Variants in HVCN1 observed in about 807,000 individuals in gnomAD.
HVCN1 encodes the protein hydrogen voltage gated channel 1, also known as voltage-gated hydrogen channel 1.
A neutral mutation model predicts 29.2 loss-of-function variants in HVCN1; 14 were observed. The ratio of observed to expected loss-of-function variants is 0.48; its 90% confidence interval spans 0.32 to 0.75. HVCN1 has a LOEUF of 0.75. HVCN1 is among the 30% of genes least tolerant of loss of function. HVCN1 has a pLI of 0.04. For missense variants in HVCN1, 263 were observed against 341.8 expected (o/e 0.77, Z 1.82); for synonymous variants, 131 against 133.2 (o/e 0.98, Z 0.11).
intron 3 of HVCN1, 43 bp downstream of exon 3, chr12:110,683,182 G>T (rs2069049642): frequency 5.6e-6 from 9 of 1,613,460 alleles, no homozygotes; most frequent in Non-Finnish European, 7.6e-6. Context: ...TCCTCTCAAG[G>T]CTGGGATATC....
At chr12:110,652,548 T>C (rs1352931591) in intron 5 of HVCN1, among the ~76,000 whole-genome samples, 1 of 152,204 alleles carries the variant, frequency 6.6e-6, no homozygotes, top group Non-Finnish European at 1.5e-5. Flanking sequence ...AGCAGTCAAC[T>C]TGAAGAGGCT....
At chr12:110,666,318 G>A (rs890763521) in intron 3 of HVCN1, among the ~76,000 whole-genome samples, 4 of 152,092 alleles carry the variant, frequency 2.6e-5, no homozygotes, top group African/African-American at 9.7e-5. Context: ...AGCTACTCAG[G>A]AGGCTGAGGC....
chr12:110,650,241 A>G lies in HVCN1; in HGVS notation c.683T>C (p.Leu228Pro). ...ISVKTRSERQ[L>P]LRLKQMNVQL... Reference sequence around the variant, plus strand: ...TACATTCATCTGTTTTAACCTTAAGAGTTGCCGTTCTGAACGTGTCTTAAC... The same window carrying G: ...TACATTCATCTGTTTTAACCTTAAGGGTTGCCGTTCTGAACGTGTCTTAAC... The change falls in exon 7 of 8, where the codon CTC (leucine) becomes CCC (proline). Residue 228 changes from leucine (L) to proline (P), a missense_variant. This residue lies in a region of HVCN1 where 51 missense variants were observed against 51.1 expected (regional missense o/e 1.00). Coordinates refer to ENST00000242607, the MANE Select transcript of HVCN1 (RefSeq NM_032369.4). The G allele has an allele frequency of 6.2e-7, 1 of 1,613,414 alleles. No individual in the cohort carries two copies. Among genetic ancestry groups the G allele is most frequent in the Non-Finnish European group, 8.5e-7 (1 of 1,179,416 alleles).
intron 4 of HVCN1, among the ~76,000 whole-genome samples, chr12:110,656,586 C>G (rs1037158111): frequency 3.9e-5 from 6 of 152,190 alleles, no homozygotes; most frequent in Non-Finnish European, 8.8e-5. Flanking sequence ...ACCCACCCCC[C>G]CGCCAGGGCC....
intron 3 of HVCN1, among the ~76,000 whole-genome samples, chr12:110,662,707 AAC>A (rs1402592387): frequency 6.6e-6 from 1 of 152,180 alleles, no homozygotes; most frequent in Non-Finnish European, 1.5e-5. Context: ...CTTGTCTCAA[AAC>A]ACAAACAAAC....
chr12:110,672,857 G>A (rs1227448219), intron 3 of HVCN1, among the ~76,000 whole-genome samples: 1 of 152,120 alleles, frequency 6.6e-6, no homozygotes, highest in Non-Finnish European at 1.5e-5. Context: ...TTCGCCTCCT[G>A]CCATAATTCT....
At chr12:110,659,937 G>C (rs1392589392) in intron 4 of HVCN1, among the ~76,000 whole-genome samples, 1 of 151,940 alleles carries the variant, frequency 6.6e-6, no homozygotes. Context: ...GTGGTGGCAG[G>C]CACCTGTAAT....
chr12:110,649,519 G>A (rs892285118), intron 7 of HVCN1, 44 bp from the exon 8 acceptor site: 14 of 1,418,670 alleles, frequency 9.9e-6, no homozygotes, highest in South Asian at 1.2e-5. Flanking sequence ...TTTGAGCCTC[G>A]CCAGGGATGT....
chr12:110,649,025 T>A lies in HVCN1; in HGVS notation c.*385A>T. 1 of 484,002 alleles carries A rather than the reference T, an allele frequency of 2.1e-6. No homozygotes were observed. Among genetic ancestry groups the A allele is most frequent in the Middle Eastern group, 3.1e-4 (1 of 3,250 alleles). 30.0% of individuals were successfully genotyped at this position (484,002 alleles called of 1,614,324 possible). On this transcript the variant is annotated 3_prime_UTR_variant, in exon 8 of 8. Coordinates refer to ENST00000242607, the MANE Select transcript of HVCN1 (RefSeq NM_032369.4). The stretch of plus-strand genomic sequence containing the variant: ...GAATGGGGTGGCAGCTAAAGTAGCT[T>A]CTTTTTCTTTCTTTCAGAATGCTCA...
chr12:110,679,902 G>A (rs1219778860), intron 3 of HVCN1, among the ~76,000 whole-genome samples: 1 of 151,916 alleles, frequency 6.6e-6, no homozygotes, highest in Admixed American at 6.6e-5. Context: ...TTGGGAGGTG[G>A]CAGGGGGCAG....
At chr12:110,700,920 T>G (rs2069557532) in intron 2 of HVCN1, among the ~76,000 whole-genome samples, 1 of 152,214 alleles carries the variant, frequency 6.6e-6, no homozygotes, top group South Asian at 2.1e-4. Context: ...CTAGTGGGGC[T>G]CAAGAGTGGA....
At chr12:110,695,309 T>G (rs954605834) in intron 2 of HVCN1, among the ~76,000 whole-genome samples, 1 of 151,728 alleles carries the variant, frequency 6.6e-6, no homozygotes, top group Non-Finnish European at 1.5e-5. Flanking sequence ...TATATAAACA[T>G]TTCTATAATT....
intron 2 of HVCN1, among the ~76,000 whole-genome samples, chr12:110,684,985 C>T (rs2069126096): frequency 6.6e-6 from 1 of 152,124 alleles, no homozygotes; most frequent in South Asian, 2.1e-4. Flanking sequence ...CTGCTGTGAA[C>T]CTTATTTCCC....
intron 3 of HVCN1, among the ~76,000 whole-genome samples, chr12:110,664,182 G>T (rs1026567319): frequency 6.6e-6 from 1 of 152,130 alleles, no homozygotes; most frequent in Non-Finnish European, 1.5e-5. Context: ...AGCTTCCCGA[G>T]TAGCTGGGAT....
At chr12:110,692,474 C>T (rs755328743), upstream of HVCN1, among the ~76,000 whole-genome samples, 1 of 152,154 alleles carries the variant, frequency 6.6e-6, no homozygotes, top group Admixed American at 6.5e-5. Flanking sequence ...AGTCTGAGCA[C>T]TTTGGGAGGC....
intron 3 of HVCN1, among the ~76,000 whole-genome samples, chr12:110,672,370 C>T (rs2068607760): frequency 6.6e-6 from 1 of 152,118 alleles, no homozygotes; most frequent in Admixed American, 6.6e-5. Flanking sequence ...CTTCAAGAGC[C>T]CTAAACCGGA....
intron 3 of HVCN1, among the ~76,000 whole-genome samples, chr12:110,663,106 G>C (rs186144403): frequency 6.6e-6 from 1 of 152,286 alleles, no homozygotes; most frequent in Admixed American, 6.5e-5. Flanking sequence ...AGGGCGTGAA[G>C]CAATGGGGTC....
chr12:110,664,873 G>T (rs2068291381), intron 3 of HVCN1, among the ~76,000 whole-genome samples: 1 of 152,160 alleles, frequency 6.6e-6, no homozygotes, highest in African/African-American at 2.4e-5. Flanking sequence ...TCCTTGGGGT[G>T]CTGTGAGCTG....
At position 110,649,345 on chromosome 12, in the gene HVCN1, GT is replaced by G; in HGVS notation, c.*64del. 7.4e-7 allele frequency: 1 copy of G among 1,353,084 alleles called. No individual in the cohort carries two copies. The highest frequency in any genetic ancestry group is 1.0e-6 in the Non-Finnish European group (1 of 953,084). The allele number at this position is 1,353,084 out of a possible 1,614,324, so 83.8% of individuals were successfully genotyped here. The stretch of plus-strand genomic sequence containing the variant: ...ACCAAGCGGCCCAGGAGGGGCAGCT[GT>G]TCCTCTCGTGACAGCACAGGCCCAT... On this transcript the variant is annotated 3_prime_UTR_variant, in exon 8 of 8. Transcript: ENST00000242607.
Sources: gnomAD v4.1 joint callset for allele counts (sites outside exome capture counted in the v4.1 genomes callset) on GRCh38, gnomAD v4.1.1 for gene constraint, gnomAD v4.1.1 regional missense constraint, MANE v1.5 for transcripts, NCBI Gene and HGNC (gene_info 2026-07-23, HGNC 2026-07-21) for gene names.